The following MMD2 variants were observed in gnomAD, a reference collection of about 807,000 sequenced individuals.
The protein encoded by MMD2 is monocyte to macrophage differentiation associated 2.
Under a neutral mutation model 33.5 loss-of-function variants are expected in MMD2, and 30 were observed. The ratio of observed to expected loss-of-function variants is 0.90; its 90% CI spans 0.67 to 1.22. MMD2 has a LOEUF of 1.22. Ranked by LOEUF, MMD2 falls within the 50% of genes most tolerant of loss-of-function variation. The pLI is 0.00. For missense variants in MMD2, 364 were observed against 325.4 expected (o/e 1.12, Z -0.91); for synonymous variants, 129 against 123.0 (o/e 1.05, Z -0.32).
chr7:4,933,147 G>A (rs536858739), intron 1 of MMD2, among the ~76,000 whole-genome samples: 16 of 151,856 alleles, frequency 1.1e-4, no homozygotes, highest in African/African-American at 3.4e-4. Flanking sequence ...AGGCCGAGGC[G>A]AGAGGATCGC....
chr7:4,958,930 C>T (rs958368553), intron 1 of MMD2, 41 bp downstream of exon 1: 4 of 1,276,460 alleles, frequency 3.1e-6, no homozygotes, highest in Non-Finnish European at 3.0e-6. Flanking sequence ...CGCCGCGCGC[C>T]CCTCCCTCCC....
chr7:4,917,623 C>T lies in MMD2; in HGVS notation c.291-1544G>A, dbSNP rs1057163460. 1.3e-4 allele frequency among the ~76,000 whole-genome samples: 19 copies of T among 151,034 alleles called. No homozygotes were observed. In the East Asian group the frequency reaches 2.7e-3, roughly 22 times the overall value. On this transcript the variant is annotated intron_variant, in intron 3 of 6. Transcript: ENST00000401401. The stretch of plus-strand genomic sequence containing the variant: ...AGGAGAATGGCATGAACCTGGGAGG[C>T]GGAGCTTGCAGTGAGCCGAGATCAT...
intron 6 of MMD2, among the ~76,000 whole-genome samples, chr7:4,908,765 C>T (rs1284959599): frequency 6.6e-6 from 1 of 151,754 alleles, no homozygotes; most frequent in Non-Finnish European, 1.5e-5. Flanking sequence ...AGAGTGGTGG[C>T]ACGCGCCTGT....
At chr7:4,924,214 T>C (rs1386965569) in intron 2 of MMD2, among the ~76,000 whole-genome samples, 1 of 151,502 alleles carries the variant, frequency 6.6e-6, no homozygotes, top group East Asian at 1.9e-4. Flanking sequence ...AACAAAACAA[T>C]AACAACAACA....
downstream of MMD2, among the ~76,000 whole-genome samples, chr7:4,903,643 G>A (rs961906363): frequency 2.0e-5 from 3 of 152,234 alleles, no homozygotes; most frequent in Admixed American, 1.3e-4. Flanking sequence ...GCCGGGGTGT[G>A]GGAGGTGTGT....
At chr7:4,917,085 A>G (rs1429866801) in intron 3 of MMD2, among the ~76,000 whole-genome samples, 1 of 152,090 alleles carries the variant, frequency 6.6e-6, no homozygotes, top group Admixed American at 6.6e-5. Flanking sequence ...AAAAAAGTGC[A>G]AAAACTACTA....
chr7:4,893,876 G>A, the MMD2 span, among the ~76,000 whole-genome samples: 1 of 152,154 alleles, frequency 6.6e-6, no homozygotes, highest in East Asian at 1.9e-4. Context: ...GCATGCTAAT[G>A]TATTATAATT....
intron 1 of MMD2, among the ~76,000 whole-genome samples, chr7:4,948,390 G>T (rs534754588): frequency 6.6e-5 from 10 of 152,206 alleles, no homozygotes; most frequent in African/African-American, 2.4e-4. Context: ...ACGTGGTGGC[G>T]CACATGCCTG....
Position 4,907,335 on chromosome 7 carries a change from A to C in MMD2, c.*61T>G. On this transcript the variant is annotated 3_prime_UTR_variant, in exon 7 of 7. Transcript: ENST00000401401. ...AGGCCTTGGCGCTGTGCTCTGGGTT[A>C]ACGTTCACAGAAACGTGCTCCACTC... The C allele has an allele frequency of 6.5e-7, 1 of 1,534,592 alleles. No individual in the cohort carries two copies. Among genetic ancestry groups the C allele is most frequent in the South Asian group, 1.1e-5 (1 of 88,902 alleles).
At chr7:4,897,402 A>G in the MMD2 span, among the ~76,000 whole-genome samples, 3 of 152,190 alleles carry the variant, frequency 2.0e-5, no homozygotes, top group Non-Finnish European at 4.4e-5. Context: ...ACAAACACAG[A>G]AAGGGTCCAA....
At chr7:4,916,152 C>T in intron 3 of MMD2, 73 bp from the exon 4 acceptor site, 4 of 1,433,022 alleles carry the variant, frequency 2.8e-6, no homozygotes, top group Non-Finnish European at 3.9e-6. Flanking sequence ...AGAGCCGTGC[C>T]CTGGACTGAT....
intron 1 of MMD2, among the ~76,000 whole-genome samples, chr7:4,939,446 G>A (rs567017144): frequency 6.6e-6 from 1 of 151,994 alleles, no homozygotes; most frequent in Non-Finnish European, 1.5e-5. Context: ...AGGAGGCTGA[G>A]GTGGGAGAAT....
chr7:4,902,928 C>T (rs1370419449), downstream of MMD2, among the ~76,000 whole-genome samples: 1 of 152,188 alleles, frequency 6.6e-6, no homozygotes, highest in Non-Finnish European at 1.5e-5. Flanking sequence ...TGCTCTGTAG[C>T]TTTTGCAAAC....
chr7:4,939,226 G>C (rs933650060), intron 1 of MMD2, among the ~76,000 whole-genome samples: 1 of 150,234 alleles, frequency 6.7e-6, no homozygotes, highest in African/African-American at 2.5e-5. Flanking sequence ...AAAAAACAAA[G>C]TTGAGGAGGG....
intron 4 of MMD2, among the ~76,000 whole-genome samples, chr7:4,912,959 C>T (rs189496118): frequency 1.3e-5 from 2 of 152,184 alleles, no homozygotes; most frequent in Non-Finnish European, 2.9e-5. Context: ...CCTCCTCGGC[C>T]TGCCAAAGTG....
intron 1 of MMD2, among the ~76,000 whole-genome samples, chr7:4,951,844 C>T (rs932216862): frequency 1.3e-5 from 2 of 152,158 alleles, no homozygotes; most frequent in South Asian, 4.1e-4. Flanking sequence ...AAGCAATCCT[C>T]CCGCCACAGC....
the MMD2 span, among the ~76,000 whole-genome samples, chr7:4,897,372 T>C: frequency 6.6e-6 from 1 of 152,190 alleles, no homozygotes; most frequent in East Asian, 1.9e-4. Context: ...AATACTGTGT[T>C]AATACAAAAT....
chr7:4,905,184 A>G (rs569296232), downstream of MMD2, among the ~76,000 whole-genome samples: 36 of 152,076 alleles, frequency 2.4e-4, no homozygotes, highest in Non-Finnish European at 4.4e-4. This position sits in a 1 kb window ranked among gnomAD's most constrained non-coding sequence, Gnocchi z 5.0. Context: ...CCACTAAAGA[A>G]GTCCCAAGTC....
the MMD2 span, among the ~76,000 whole-genome samples, chr7:4,897,699 G>C: frequency 6.6e-6 from 1 of 151,978 alleles, no homozygotes; most frequent in African/African-American, 2.4e-5. Flanking sequence ...TCCAACACTG[G>C]GTGCCCTCCT....
Sources: gnomAD v4.1 joint callset for allele counts (sites outside exome capture counted in the v4.1 genomes callset) on GRCh38, gnomAD v4.1.1 for gene constraint, Gnocchi (gnomAD v3.1) non-coding constraint, MANE v1.5 for transcripts, NCBI Gene and HGNC (gene_info 2026-07-23, HGNC 2026-07-21) for gene names.